The following FAM76A variants were observed in gnomAD, a reference collection of about 807,000 sequenced individuals.
The protein encoded by FAM76A is protein FAM76A.
Under a neutral mutation model 46.2 loss-of-function variants are expected in FAM76A, and 32 were observed. That is an observed-to-expected ratio of 0.69 (90% CI 0.52 to 0.93). FAM76A has a LOEUF of 0.93. Ranked by LOEUF, FAM76A falls within the 40% of genes least tolerant of loss-of-function variation. The pLI, the probability that FAM76A is intolerant of heterozygous loss-of-function variation, is 0.00. For synonymous variants in FAM76A, 137 were observed against 127.0 expected, an observed-to-expected ratio of 1.08 and a Z score of -0.53; for missense variants, 274 against 361.5, an observed-to-expected ratio of 0.76 and a Z score of 1.96.
chr1:27,741,047 G>A (rs2088142965), intron 4 of FAM76A, among the ~76,000 whole-genome samples: 1 of 151,530 alleles, frequency 6.6e-6, no homozygotes, highest in Admixed American at 6.6e-5. Context: ...CAGGAGAATT[G>A]CTTGAACCTG....
intron 4 of FAM76A, among the ~76,000 whole-genome samples, chr1:27,741,016 C>T (rs2088142401): frequency 6.6e-6 from 1 of 151,620 alleles, no homozygotes; most frequent in African/African-American, 2.4e-5. Flanking sequence ...CCTATAATCC[C>T]AGCTACTCGT....
chr1:27,742,496 CATT>C (rs1323478979), intron 4 of FAM76A, among the ~76,000 whole-genome samples: 4 of 152,162 alleles, frequency 2.6e-5, no homozygotes, highest in Non-Finnish European at 5.9e-5. Context: ...GCTGTTCACT[CATT>C]GTTCTTTCTC....
chr1:27,758,332 G>A (rs1289044678), intron 7 of FAM76A, among the ~76,000 whole-genome samples: 1 of 152,090 alleles, frequency 6.6e-6, no homozygotes, highest in Non-Finnish European at 1.5e-5. Context: ...GGAAATTCAT[G>A]GGAAGAGATC....
chr1:27,742,350 G>C (rs745843371), intron 4 of FAM76A, among the ~76,000 whole-genome samples: 4 of 152,152 alleles, frequency 2.6e-5, no homozygotes, highest in Non-Finnish European at 4.4e-5. Context: ...GCTTCAGAGG[G>C]TGGCAGAAGC....
At position 27,728,691 on chromosome 1, in the gene FAM76A, G is replaced by A. The variant is rs2087903732; in HGVS notation, c.146+1155G>A. 2.0e-5 allele frequency among the ~76,000 whole-genome samples: 3 copies of A among 152,282 alleles called. No homozygotes were observed. In the South Asian group the frequency reaches 6.2e-4, roughly 32 times the overall value. ...AAAAGTGTGAAATGGGCTGGGTACGGTGGCTCATGCCTGTAAACCCAACAC... is the reference window on the plus strand; with the variant it reads ...AAAAGTGTGAAATGGGCTGGGTACGATGGCTCATGCCTGTAAACCCAACAC... On this transcript the variant is annotated intron_variant, in intron 2 of 8. Transcript: ENST00000373954.
intron 3 of FAM76A, among the ~76,000 whole-genome samples, chr1:27,733,225 C>T (rs12049384): frequency 0.12 from 18,661 of 152,180 alleles, 2,796 homozygotes; most frequent in African/African-American, 0.35. Context: ...AGCCACTGCA[C>T]CCGGCAAGAT....
Position 27,753,955 on chromosome 1 carries a change from T to C in FAM76A, c.600-1240T>C, listed in dbSNP as rs951210408. Reference sequence around the variant, plus strand: ...CAGGATTTGACCCTCTTGGCAGTGATTCCTTAACTTGCTTTGAGTCTGAGG... The same window carrying C: ...CAGGATTTGACCCTCTTGGCAGTGACTCCTTAACTTGCTTTGAGTCTGAGG... On this transcript the variant is annotated intron_variant, in intron 6 of 8. Transcript: ENST00000373954. 5.9e-5 allele frequency among the ~76,000 whole-genome samples: 9 copies of C among 152,166 alleles called. No individual in the cohort carries two copies. The East Asian group carries it at 1.7e-3, about 29-fold the overall frequency.
chr1:27,738,912 G>A (rs1482575636), intron 4 of FAM76A, among the ~76,000 whole-genome samples: 1 of 152,136 alleles, frequency 6.6e-6, no homozygotes, highest in East Asian at 1.9e-4. Flanking sequence ...AAAAATTCCA[G>A]GAAGAAGGAC....
intron 6 of FAM76A, among the ~76,000 whole-genome samples, chr1:27,752,795 C>G (rs1445948781): frequency 6.6e-6 from 1 of 152,178 alleles, no homozygotes; most frequent in African/African-American, 2.4e-5. Flanking sequence ...AGGAAAGAGA[C>G]TGGTTTTTCT....
chr1:27,734,020 C>T lies in FAM76A; in HGVS notation c.202-11C>T. 1.9e-6 allele frequency: 3 copies of T among 1,593,550 alleles called. No homozygotes were observed. The highest frequency in any genetic ancestry group is 3.8e-5 in the Admixed American group (2 of 52,848). On this transcript the variant is annotated splice_polypyrimidine_tract_variant and intron_variant, in intron 3 of 8. Transcript: ENST00000373954. Reference sequence around the variant, plus strand: ...AGTAATACTTACTTGACTCTTTTTTCCCCTTTTAAGCCCAAACCTTGTCAG... The same window carrying T: ...AGTAATACTTACTTGACTCTTTTTTTCCCTTTTAAGCCCAAACCTTGTCAG...
chr1:27,739,935 A>G, intron 4 of FAM76A: 2 of 227,600 alleles, frequency 8.8e-6, no homozygotes, highest in Non-Finnish European at 1.8e-5. Context: ...AGGGTAACTT[A>G]CCCTTGGGAG....
At chr1:27,733,073 C>T (rs537051031) in intron 3 of FAM76A, among the ~76,000 whole-genome samples, 10 of 152,094 alleles carry the variant, frequency 6.6e-5, no homozygotes, top group African/African-American at 2.4e-4. Flanking sequence ...GCTGGGACTA[C>T]AGGCACATGC....
chr1:27,736,417 AATCT>A (rs1210991099), intron 4 of FAM76A, among the ~76,000 whole-genome samples: 1 of 152,174 alleles, frequency 6.6e-6, no homozygotes, highest in Admixed American at 6.6e-5. Flanking sequence ...TGGGCATGTT[AATCT>A]ATCAATGCCT....
At chr1:27,751,814 T>C (rs2088337513) in intron 6 of FAM76A, among the ~76,000 whole-genome samples, 1 of 151,432 alleles carries the variant, frequency 6.6e-6, no homozygotes, top group Non-Finnish European at 1.5e-5. Context: ...TTTTGTTTTT[T>C]TTCTTTTGAG....
intron 6 of FAM76A, among the ~76,000 whole-genome samples, chr1:27,750,550 C>A (rs1301135909): frequency 6.6e-6 from 1 of 152,224 alleles, no homozygotes; most frequent in East Asian, 1.9e-4. Context: ...AAGGCCTAAG[C>A]CAAGACCTAT....
intron 1 of FAM76A, among the ~76,000 whole-genome samples, 160 bp downstream of exon 1, chr1:27,726,321 G>T (rs557525688): frequency 4.3e-4 from 65 of 152,224 alleles, no homozygotes; most frequent in African/African-American, 1.5e-3. Flanking sequence ...GGCGGGGCAC[G>T]TGCGGGAGCC....
Position 27,755,177 on chromosome 1 carries a change from C to A in FAM76A, c.600-18C>A. ...ATCCATCCAAGTTAAAATATTTTCC[C>A]CTGATTTTTAAATTTAGCTTCTCCC... On this transcript the variant is annotated intron_variant, in intron 6 of 8. Coordinates refer to ENST00000373954, the MANE Select transcript of FAM76A (RefSeq NM_152660.3). 6.2e-7 allele frequency: 1 copy of A among 1,613,206 alleles called. No individual in the cohort carries two copies. Among genetic ancestry groups the A allele is most frequent in the South Asian group, 1.1e-5 (1 of 91,016 alleles).
chr1:27,738,809 A>G (rs187253301), intron 4 of FAM76A, among the ~76,000 whole-genome samples: 21 of 152,304 alleles, frequency 1.4e-4, no homozygotes, highest in African/African-American at 5.1e-4. Context: ...AAGTCAGCCT[A>G]TATTGGGCAA....
chr1:27,745,719 G>A (rs145475890), intron 5 of FAM76A, among the ~76,000 whole-genome samples: 58 of 152,328 alleles, frequency 3.8e-4, no homozygotes, highest in Middle Eastern at 3.4e-3. Context: ...CAGGCTTGGA[G>A]AAGAGCTGGC....
Sources: allele counts gnomAD v4.1 joint callset (sites outside exome capture counted in the v4.1 genomes callset), GRCh38; gene constraint gnomAD v4.1.1; transcripts MANE v1.5; gene names NCBI Gene and HGNC (gene_info 2026-07-23, HGNC 2026-07-21).